Variants in HENMT1 observed in about 807,000 individuals in gnomAD.
The protein encoded by HENMT1 is HEN methyltransferase 1.
Under a neutral mutation model 31.1 loss-of-function variants are expected in HENMT1, and 27 were observed. The ratio of observed to expected loss-of-function variants is 0.87; its 90% CI spans 0.64 to 1.20. The LOEUF (loss-of-function observed/expected upper bound fraction) is 1.20. HENMT1 is among the 50% of genes most tolerant of loss of function. HENMT1 has a pLI of 0.00. For synonymous variants in HENMT1, 167 were observed against 172.2 expected (o/e 0.97, Z 0.24); for missense variants, 438 against 469.6 (o/e 0.93, Z 0.62).
At chr1:108,657,319 G>T in intron 3 of HENMT1, 132 bp downstream of exon 3, 1 of 614,182 alleles carries the variant, frequency 1.6e-6, no homozygotes, top group East Asian at 2.9e-5. Flanking sequence ...TGCAGATCTT[G>T]TGGTTACGGC....
rs764350954 is a variant in HENMT1, at chr1:108,648,906, C to T, written c.842G>A (p.Ser281Asn). 1 of 1,614,184 alleles carries T rather than the reference C, an allele frequency of 6.2e-7. No individual in the cohort carries two copies. Among genetic ancestry groups the T allele is most frequent in the Non-Finnish European group, 8.5e-7 (1 of 1,180,008 alleles). Residue 281 changes from serine to asparagine, a missense_variant, in exon 8 of 8, where the codon AGC becomes AAC. Coordinates refer to ENST00000651461, the MANE Select transcript of HENMT1 (RefSeq NM_001102592.2). ...LVNEVSQQVE[S>N]LRVSHLPRRK... is the part of the protein sequence containing the mutation. Reference sequence around the variant, plus strand: ...CCTTGGCAGGTGGCTCACTCTTAAGCTTTCCACTTGTTGGGACACCTCATT... The same window carrying T: ...CCTTGGCAGGTGGCTCACTCTTAAGTTTTCCACTTGTTGGGACACCTCATT...
intron 2 of HENMT1, among the ~76,000 whole-genome samples, chr1:108,659,355 C>A (rs1283763241): frequency 6.6e-6 from 1 of 151,800 alleles, no homozygotes; most frequent in Non-Finnish European, 1.5e-5. Context: ...CAGAGCAAGA[C>A]CCTGTCTTAA....
At chr1:108,658,353 T>C (rs893455585) in intron 2 of HENMT1, among the ~76,000 whole-genome samples, 1 of 152,262 alleles carries the variant, frequency 6.6e-6, no homozygotes, top group East Asian at 1.9e-4. Context: ...CAGGCTCTTC[T>C]TGAACTCCTG....
In HENMT1 at chr1:108,648,563, G is replaced by A. The variant is rs1430053535; in HGVS notation, c.*3C>T. 2 of 1,606,552 alleles carry A rather than the reference G, an allele frequency of 1.2e-6. No homozygotes were observed. Among genetic ancestry groups the A allele is most frequent in the Admixed American group, 1.7e-5 (1 of 59,628 alleles). On this transcript the variant is annotated 3_prime_UTR_variant, in exon 8 of 8. Transcript: ENST00000651461. ...CCCTGAAATTTCAGGAAATAAACAT[G>A]GTTCAAAACTCAAACTGTTCATCAA...
In HENMT1 at chr1:108,657,434, GA is replaced by G. The variant is rs745323489; in HGVS notation, c.150+16del. 4.4e-6 allele frequency: 7 copies of G among 1,577,912 alleles called. No homozygotes were observed. In the African/African-American group the frequency reaches 9.5e-5, roughly 21 times the overall value. ...ACTAGTCTTAATAATTAAATGTTTG[GA>G]AAGAGAAATACCTACCTTCTTAGGC... is the stretch of plus-strand genomic sequence containing the variant. On this transcript the variant is annotated intron_variant, in intron 3 of 7. Transcript: ENST00000651461.
chr1:108,649,022 G>A, intron 7 of HENMT1, 31 bp from the exon 8 acceptor site: 1 of 1,506,942 alleles, frequency 6.6e-7, no homozygotes, highest in African/African-American at 1.4e-5. Flanking sequence ...ACTTACAAGT[G>A]TATAATAATA....
rs545192848 is a variant in HENMT1 at position 108,654,944 on chromosome 1, A to G, written c.264-94T>C. The G allele has an allele frequency of 6.4e-6, 8 of 1,246,908 alleles. No individual in the cohort carries two copies. In the East Asian group the frequency reaches 2.0e-4, roughly 31 times the overall value. The allele number at this position is 1,246,908 out of a possible 1,614,324, so 77.2% of individuals were successfully genotyped here. On this transcript the variant is annotated intron_variant, in intron 4 of 7. Transcript: ENST00000651461. The stretch of plus-strand genomic sequence containing the variant: ...TCAGATCCTCTGATAATTATCTTCT[A>G]CCTCTATTGATATAAGTCTGACACA...
At chr1:108,653,698 T>C (rs1161210520) in intron 5 of HENMT1, among the ~76,000 whole-genome samples, 1 of 152,226 alleles carries the variant, frequency 6.6e-6, no homozygotes, top group Non-Finnish European at 1.5e-5. Context: ...CATTTTTTCA[T>C]CTACTTGTTA....
At position 108,648,601 on chromosome 1, in the gene HENMT1, G is replaced by A; in HGVS notation, c.1147C>T (p.Leu383=). The A allele has an allele frequency of 6.2e-7, 1 of 1,614,064 alleles. No homozygotes were observed. Among genetic ancestry groups the A allele is most frequent in the South Asian group, 1.1e-5 (1 of 91,084 alleles). Residue 383 remains leucine, a synonymous_variant, in exon 8 of 8, where the codon CTG becomes TTG. Transcript: ENST00000651461. ...AACTGTTCATCAAAATAATTACGCA[G>A]GTCAGCCACCACTGCAGAACCATCA... is the stretch of plus-strand genomic sequence containing the variant. ...SSDGSAVVAD[L]RNYFDEQFEF
chr1:108,650,230 T>C lies in HENMT1; in HGVS notation c.737A>G (p.Asp246Gly). 1.9e-6 allele frequency: 3 copies of C among 1,614,172 alleles called. No individual in the cohort carries two copies. Among genetic ancestry groups the C allele is most frequent in the African/African-American group, 1.3e-5 (1 of 75,060 alleles). The change falls in exon 7 of 8, where the codon GAT becomes GGT. Residue 246 changes from aspartate (D) to glycine (G), a missense_variant. Coordinates refer to ENST00000651461, the MANE Select transcript of HENMT1 (RefSeq NM_001102592.2). ...ACTCACAGCTTTATAAACATGCTGA[T>C]CATGCTGCTCTGAAAGACATGATTC... is the stretch of plus-strand genomic sequence containing the variant. ...ATESCLSEQH[D>G]QHVYKAVFTT... is the part of the protein sequence containing the mutation.
In HENMT1 at chr1:108,657,468, G is replaced by T; in HGVS notation, c.133C>A (p.Gln45Lys). The T allele has an allele frequency of 6.2e-7, 1 of 1,606,550 alleles. No homozygotes were observed. The highest frequency in any genetic ancestry group is 1.1e-5 in the South Asian group (1 of 90,758). The change falls in exon 3 of 8, where the codon CAA becomes AAA. Residue 45 changes from glutamine (Q) to lysine (K), a missense_variant. Gln to Lys is a moderately conservative substitution (Grantham distance 53, BLOSUM62 1). Coordinates refer to ENST00000651461, the MANE Select transcript of HENMT1 (RefSeq NM_001102592.2). ...RYQFVKNLVD[Q>K]HEPKKVADLG... ...ATACCTACCTTCTTAGGCTCATGTT[G>T]ATCCACTAAATTTTTAACGAACTGG...
At position 108,660,954 on chromosome 1, in the gene HENMT1, C is replaced by G; in HGVS notation, c.-79+9G>C. 1 of 983,778 alleles carries G rather than the reference C, an allele frequency of 1.0e-6. No homozygotes were observed. Among genetic ancestry groups the G allele is most frequent in the Non-Finnish European group, 1.2e-6 (1 of 828,530 alleles). 60.9% of individuals were successfully genotyped at this position (983,778 alleles called of 1,614,324 possible). A position where few individuals can be genotyped will look rare whatever the true frequency, so the allele number is the denominator to read the frequency against. ...AAAAAAAAGAAAAAGAAAAAGAAAC[C>G]CTGCTCACTGAAACCAACGCTTCTG... On this transcript the variant is annotated intron_variant, in intron 1 of 7. Transcript: ENST00000651461.
At chr1:108,661,405 G>C (rs1323596654), upstream of HENMT1, 5 of 152,290 alleles carry the variant, frequency 3.3e-5, no homozygotes, top group Non-Finnish European at 5.9e-5. Flanking sequence ...GACGCGGCAC[G>C]GTACGGCAGC....
chr1:108,655,442 T>C, intron 4 of HENMT1, 144 bp downstream of exon 4: 2 of 503,506 alleles, frequency 4.0e-6, no homozygotes, highest in Non-Finnish European at 7.0e-6. Context: ...TTTAGTGTTA[T>C]GGCAAAGCCT....
Position 108,650,309 on chromosome 1 carries a change from C to T in HENMT1, c.658G>A (p.Val220Ile). 1 of 1,614,140 alleles carries T rather than the reference C, an allele frequency of 6.2e-7. No individual in the cohort carries two copies. Among genetic ancestry groups the T allele is most frequent in the South Asian group, 1.1e-5 (1 of 91,080 alleles). ...ATTCCTATCTGGGTACAGTATCCAA[C>T]ATTCTCAGCTCCAGCTGGTGGTTCC... Reference protein sequence around the residue: ...VGEPPAGAENVGYCTQIGIFR... With the variant: ...VGEPPAGAENIGYCTQIGIFR... Residue 220 changes from valine (V) to isoleucine (I), a missense_variant, in exon 7 of 8, where the codon GTT (valine) becomes ATT (isoleucine). Physicochemically the swap from Val to Ile is conservative, Grantham distance 29. Coordinates refer to ENST00000651461, the MANE Select transcript of HENMT1 (RefSeq NM_001102592.2).
At chr1:108,654,400 A>T (rs912053640) in intron 5 of HENMT1, among the ~76,000 whole-genome samples, 3 of 152,194 alleles carry the variant, frequency 2.0e-5, no homozygotes, top group African/African-American at 4.8e-5. Flanking sequence ...GAAAAAAAAT[A>T]ACTCTAAAGG....
At chr1:108,650,626 G>A (rs919104189) in intron 6 of HENMT1, among the ~76,000 whole-genome samples, 7 of 152,214 alleles carry the variant, frequency 4.6e-5, no homozygotes, top group Non-Finnish European at 1.0e-4. Context: ...ATTATGGGCA[G>A]GGTGTAGGGG....
chr1:108,661,105 G>T, upstream of HENMT1: 2 of 603,296 alleles, frequency 3.3e-6, no homozygotes, highest in Non-Finnish European at 4.2e-6. Flanking sequence ...CGCACGCACG[G>T]CCTCGCTGCG....
chr1:108,648,727 C>T lies in HENMT1; in HGVS notation c.1021G>A (p.Val341Ile), dbSNP rs748353905. ...TPFCVGDKFF[V>I]PLQRLLAYPK... ...TACGCAAGGAGTCTCTGCAGAGGTA[C>T]GAAAAATTTATCTCCAACACAGAAG... is the stretch of plus-strand genomic sequence containing the variant. Residue 341 changes from valine to isoleucine, a missense_variant, in exon 8 of 8, where the codon GTA becomes ATA. Physicochemically the swap from Val to Ile is conservative, Grantham distance 29 (BLOSUM62 3). Coordinates refer to ENST00000651461, the MANE Select transcript of HENMT1 (RefSeq NM_001102592.2). 72 of 1,614,052 alleles carry T rather than the reference C, an allele frequency of 4.5e-5. No individual in the cohort carries two copies. The highest frequency in any genetic ancestry group is 5.6e-5 in the Non-Finnish European group (66 of 1,180,036).
Sources: gnomAD v4.1 joint callset for allele counts (sites outside exome capture counted in the v4.1 genomes callset) on GRCh38, gnomAD v4.1.1 for gene constraint, MANE v1.5 for transcripts, NCBI Gene and HGNC (gene_info 2026-07-23, HGNC 2026-07-21) for gene names.